ENOX1: variants seen among roughly 807,000 people sequenced by gnomAD.
ENOX1 encodes the protein ecto-NOX disulfide-thiol exchanger 1.
Under a neutral mutation model 82.5 loss-of-function variants are expected in ENOX1, and 42 were observed. The ratio of observed to expected loss-of-function variants is 0.51; its 90% confidence interval spans 0.40 to 0.66. The LOEUF is 0.66. Among genes scored for constraint, ENOX1 ranks in the 30% least tolerant of loss-of-function variants. The probability of loss-of-function intolerance (pLI) is 0.00; values close to 1 mark genes in which losing one functional copy is unlikely to be tolerated. For missense variants in ENOX1, 608 were observed against 811.6 expected (o/e 0.75, Z 3.05); for synonymous variants, 271 against 282.2 (o/e 0.96, Z 0.40).
intron 8 of ENOX1, among the ~76,000 whole-genome samples, chr13:43,350,243 T>C (rs989693904): frequency 1.3e-5 from 2 of 152,252 alleles, no homozygotes; most frequent in African/African-American, 4.8e-5. Flanking sequence ...GTGAGTTAAA[T>C]AAAATCATTG....
chr13:43,416,093 C>T (rs569019176), intron 3 of ENOX1, among the ~76,000 whole-genome samples: 109 of 137,608 alleles, frequency 7.9e-4, no homozygotes, highest in Non-Finnish European at 1.5e-3. Context: ...CCAGACGGGG[C>T]GGATGGGCAG....
chr13:43,229,821 T>G (rs537527446), intron 15 of ENOX1, among the ~76,000 whole-genome samples: 1 of 152,276 alleles, frequency 6.6e-6, no homozygotes, highest in East Asian at 1.9e-4. Flanking sequence ...AGTTTTTCAC[T>G]TGAGCAACTG....
chr13:43,616,204 A>ATATT (rs1457149422), intron 2 of ENOX1, among the ~76,000 whole-genome samples: 7 of 15,314 alleles, frequency 4.6e-4, no homozygotes, highest in Non-Finnish European at 8.3e-4. Context: ...ATATATATAT[A>ATATT]TTTTTTTTTT....
At chr13:43,751,836 T>C (rs1950337974) in intron 1 of ENOX1, among the ~76,000 whole-genome samples, 1 of 152,228 alleles carries the variant, frequency 6.6e-6, no homozygotes, top group South Asian at 2.1e-4. Context: ...AACACTGCTA[T>C]GAACATTCAC....
rs373456619 is a variant in ENOX1 at position 43,650,934 on chromosome 13, C to T, written c.-219+16545G>A. On this transcript the variant is annotated intron_variant, in intron 2 of 16. Coordinates refer to ENST00000690772, the MANE Select transcript of ENOX1 (RefSeq NM_001347969.2). ...TTTGTTCAGGAACCTCATCACGTCC[C>T]TCAATCCAACCTTTTTTGGGGAATC... Among the ~76,000 whole-genome samples the T allele has an allele frequency of 2.0e-4, 30 of 152,300 alleles. 1 individual carries two copies. The South Asian group carries it at 6.0e-3, about 31-fold the overall frequency.
intron 8 of ENOX1, among the ~76,000 whole-genome samples, chr13:43,350,164 T>C (rs1224209957): frequency 6.6e-6 from 1 of 152,190 alleles, no homozygotes; most frequent in East Asian, 1.9e-4. Context: ...CAGTAGAAAA[T>C]GTAAATCTTT....
intron 15 of ENOX1, among the ~76,000 whole-genome samples, chr13:43,234,582 A>T (rs913095819): frequency 6.6e-6 from 1 of 152,188 alleles, no homozygotes; most frequent in Non-Finnish European, 1.5e-5. Flanking sequence ...CAGTGAGGGG[A>T]AAAGTCTTGG....
At chr13:43,592,611 T>C (rs570014832) in intron 2 of ENOX1, among the ~76,000 whole-genome samples, 1 of 152,296 alleles carries the variant, frequency 6.6e-6, no homozygotes, top group South Asian at 2.1e-4. Context: ...GCAAAACTTA[T>C]TGGTATAGAT....
chr13:43,374,999 T>C (rs9525763), intron 5 of ENOX1, among the ~76,000 whole-genome samples: 149,359 of 152,314 alleles, frequency 0.98, 73,304 homozygotes, highest in East Asian at 1. Context: ...AACCTGCCTA[T>C]TTACTTCACG....
intron 15 of ENOX1, among the ~76,000 whole-genome samples, chr13:43,226,314 C>T (rs1593423779): frequency 6.6e-6 from 1 of 151,858 alleles, no homozygotes; most frequent in Admixed American, 6.6e-5. Context: ...AATATTTGTA[C>T]ATATTTTTTG....
chr13:43,721,169 T>C (rs1288388146), intron 1 of ENOX1, among the ~76,000 whole-genome samples: 1 of 152,186 alleles, frequency 6.6e-6, no homozygotes, highest in Non-Finnish European at 1.5e-5. Flanking sequence ...GACGGAGTTG[T>C]GTAATTTCAA....
At chr13:43,399,323 A>C (rs556938544) in intron 5 of ENOX1, among the ~76,000 whole-genome samples, 1 of 152,292 alleles carries the variant, frequency 6.6e-6, no homozygotes, top group South Asian at 2.1e-4. Flanking sequence ...TCCAAGGGTC[A>C]GCTATAGTGT....
intron 7 of ENOX1, among the ~76,000 whole-genome samples, chr13:43,359,080 C>T (rs2050330251): frequency 6.6e-6 from 1 of 151,842 alleles, no homozygotes; most frequent in Non-Finnish European, 1.5e-5. Context: ...CCCCTCCCCA[C>T]CCCCACCCGC....
At chr13:43,361,252 C>T in intron 6 of ENOX1, 27 bp downstream of exon 6, 1 of 1,598,092 alleles carries the variant, frequency 6.3e-7, no homozygotes, top group Non-Finnish European at 8.5e-7. Context: ...TTAAAATGAG[C>T]AAATATTTCT....
chr13:43,276,466 G>C (rs755547518), intron 12 of ENOX1, among the ~76,000 whole-genome samples: 6 of 152,208 alleles, frequency 3.9e-5, no homozygotes, highest in Non-Finnish European at 7.4e-5. Context: ...GTGGGATCCT[G>C]TTACATCCCA....
At chr13:43,404,544 CT>C (rs1192646151) in intron 5 of ENOX1, among the ~76,000 whole-genome samples, 2 of 152,168 alleles carry the variant, frequency 1.3e-5, no homozygotes, top group African/African-American at 4.8e-5. Context: ...TTTTCTGAAG[CT>C]TCTCCAATAC....
chr13:43,413,587 A>T (rs1325729069), intron 3 of ENOX1, among the ~76,000 whole-genome samples: 1 of 151,728 alleles, frequency 6.6e-6, no homozygotes, highest in East Asian at 1.9e-4. Flanking sequence ...GGTGTTAGGG[A>T]GGCAAAGGAA....
intron 1 of ENOX1, among the ~76,000 whole-genome samples, chr13:43,777,439 G>T (rs1250029487): frequency 2.6e-5 from 4 of 152,136 alleles, no homozygotes; most frequent in Admixed American, 2.0e-4. Context: ...GAATAAGATT[G>T]ATGGATTGTA....
intron 12 of ENOX1, among the ~76,000 whole-genome samples, chr13:43,285,708 G>A (rs945713203): frequency 1.3e-5 from 2 of 151,220 alleles, no homozygotes; most frequent in African/African-American, 4.9e-5. Flanking sequence ...AGGAGGCTGA[G>A]GCAGGAGAAT....
Sources: gnomAD v4.1 joint callset for allele counts (sites outside exome capture counted in the v4.1 genomes callset) on GRCh38, gnomAD v4.1.1 for gene constraint, MANE v1.5 for transcripts, NCBI Gene and HGNC (gene_info 2026-07-23, HGNC 2026-07-21) for gene names.